Variants in SEC14L3 observed in about 807,000 individuals in gnomAD.
SEC14L3 encodes the protein SEC14 like lipid binding 3, also known as SEC14-like protein 3.
In SEC14L3, 56 loss-of-function variants were observed where a neutral mutation model predicts 57.4. That is an observed-to-expected ratio of 0.97 (90% CI 0.79 to 1.22). The LOEUF (loss-of-function observed/expected upper bound fraction) is 1.22. Ranked by LOEUF, SEC14L3 falls within the 50% of genes most tolerant of loss-of-function variation. The probability of loss-of-function intolerance (pLI) is 0.00; values close to 1 mark genes in which losing one functional copy is unlikely to be tolerated. For missense variants in SEC14L3, 485 were observed against 511.7 expected, an observed-to-expected ratio of 0.95 and a Z score of 0.50; for synonymous variants, 173 against 194.4, an observed-to-expected ratio of 0.89 and a Z score of 0.92.
downstream of SEC14L3, among the ~76,000 whole-genome samples, chr22:30,455,094 TA>T (rs1311613986): frequency 2.9e-4 from 22 of 76,976 alleles, no homozygotes; most frequent in African/African-American, 1.2e-3. Flanking sequence ...ATATTTAATA[TA>T]TAATATATTT....
At chr22:30,451,191 G>A (rs1002255463) in intron 12 of SEC14L3, among the ~76,000 whole-genome samples, 4 of 152,228 alleles carry the variant, frequency 2.6e-5, no homozygotes, top group East Asian at 3.8e-4. Flanking sequence ...GACCTTTGGC[G>A]TGTGTGGGCA....
intron 7 of SEC14L3, among the ~76,000 whole-genome samples, chr22:30,465,859 CACA>C (rs1234981612): frequency 2.0e-5 from 3 of 152,220 alleles, no homozygotes; most frequent in African/African-American, 2.4e-5. Flanking sequence ...TTCATCTACC[CACA>C]ACAATTACCC....
At chr22:30,458,397 T>C (rs1007698346), downstream of SEC14L3, among the ~76,000 whole-genome samples, 1 of 152,156 alleles carries the variant, frequency 6.6e-6, no homozygotes, top group Non-Finnish European at 1.5e-5. Flanking sequence ...GCTGCTTCAG[T>C]ATTGTGGGTC....
intron 4 of SEC14L3, among the ~76,000 whole-genome samples, chr22:30,469,652 AC>A (rs1161822928): frequency 5.3e-5 from 8 of 152,184 alleles, no homozygotes; most frequent in African/African-American, 1.9e-4. Flanking sequence ...GCACAGGCTA[AC>A]CGTGGTGGTT....
rs1934935055 is a variant in SEC14L3, at chr22:30,449,312, G to A, written c.905-68C>T. The A allele has an allele frequency of 5.2e-6, 8 of 1,540,562 alleles. No homozygotes were observed. In the South Asian group the frequency reaches 8.4e-5, roughly 16 times the overall value. ...AGAAATGAAAATCCTGAACTCCAGAGGGTCACCAATACTAAGGCATATGCT... is the reference window on the plus strand; with the variant it reads ...AGAAATGAAAATCCTGAACTCCAGAAGGTCACCAATACTAAGGCATATGCT... On this transcript the variant is annotated intron_variant, in intron 12 of 12. Transcript: ENST00000403066.
At chr22:30,462,540 G>T (rs981613333) in intron 8 of SEC14L3, among the ~76,000 whole-genome samples, 1 of 152,102 alleles carries the variant, frequency 6.6e-6, no homozygotes, top group Admixed American at 6.5e-5. Flanking sequence ...CTGCGTAGCT[G>T]GGACTACAAG....
Position 30,470,233 on chromosome 22 carries a change from C to A in SEC14L3, c.153G>T (p.Lys51Asn), listed in dbSNP as rs896092886. The change falls in exon 3 of 12, where the codon AAG becomes AAT. Residue 51 changes from lysine to asparagine, a missense_variant. Coordinates refer to ENST00000215812, the MANE Select transcript of SEC14L3 (RefSeq NM_174975.5). ...TCACCTTGCGGAGCAAAGCCTCCGA[C>A]TTCTGCAAGTCAAAATTCCGAGCTG... Reference protein sequence around the residue: ...WLRARNFDLQKSEALLRKYME... With the variant: ...WLRARNFDLQNSEALLRKYME... 1 of 1,613,770 alleles carries A rather than the reference C, an allele frequency of 6.2e-7. No individual in the cohort carries two copies. Among genetic ancestry groups the A allele is most frequent in the African/African-American group, 1.3e-5 (1 of 74,944 alleles).
At chr22:30,452,599 C>T (rs1386724223) in intron 12 of SEC14L3, among the ~76,000 whole-genome samples, 1 of 152,022 alleles carries the variant, frequency 6.6e-6, no homozygotes, top group Non-Finnish European at 1.5e-5. Context: ...CGCACATTTT[C>T]TAATAAAAAT....
exon 13 of SEC14L3, chr22:30,449,155 C>A: frequency 6.4e-7 from 1 of 1,550,606 alleles, no homozygotes; most frequent in Non-Finnish European, 8.7e-7. Flanking sequence ...TATGCCATCA[C>A]TTGCGAGTTT....
At chr22:30,450,252 T>G (rs1934955236) in intron 12 of SEC14L3, among the ~76,000 whole-genome samples, 1 of 152,134 alleles carries the variant, frequency 6.6e-6, no homozygotes, top group East Asian at 1.9e-4. Context: ...GTTTACCTCA[T>G]CTGCTGGACG....
intron 7 of SEC14L3, 51 bp downstream of exon 7, chr22:30,466,283 G>A (rs761373588): frequency 8.0e-5 from 120 of 1,509,180 alleles, no homozygotes; most frequent in Non-Finnish European, 1.0e-4. Flanking sequence ...CACCCTCAGC[G>A]TACAGATGAG....
Position 30,468,496 on chromosome 22 carries a change from C to G in SEC14L3, c.423+12G>C, listed in dbSNP as rs778992364. The G allele has an allele frequency of 6.2e-7, 1 of 1,602,304 alleles. No homozygotes were observed. The highest frequency in any genetic ancestry group is 8.5e-7 in the Non-Finnish European group (1 of 1,170,526). The stretch of plus-strand genomic sequence containing the variant: ...GCCCCCAGCCATCCACCCCACCTGG[C>G]CTGGACCTCACCCTCTCTGTCTGCA... On this transcript the variant is annotated intron_variant, in intron 5 of 11. Transcript: ENST00000215812.
Position 30,461,554 on chromosome 22 carries a change from C to T in SEC14L3, c.911+1G>A, listed in dbSNP as rs759507135. 2 of 1,614,060 alleles carry T rather than the reference C, an allele frequency of 1.2e-6. No homozygotes were observed. Among genetic ancestry groups the T allele is most frequent in the Non-Finnish European group, 8.5e-7 (1 of 1,180,018 alleles). On this transcript the variant is annotated splice_donor_variant, in intron 10 of 11. Transcript: ENST00000215812. LOFTEE classifies it high-confidence loss of function. ...TCTGAGGGGTTAGGGCCTGCCCCTACCTGAGAACGCAGCCTGGAAATAGGA... is the reference window on the plus strand; with the variant it reads ...TCTGAGGGGTTAGGGCCTGCCCCTATCTGAGAACGCAGCCTGGAAATAGGA...
chr22:30,456,178 G>T (rs1160231318), downstream of SEC14L3, among the ~76,000 whole-genome samples: 10 of 151,414 alleles, frequency 6.6e-5, no homozygotes, highest in Admixed American at 6.6e-4. Context: ...AGGCACATGT[G>T]TTCCCTGCTA....
downstream of SEC14L3, among the ~76,000 whole-genome samples, chr22:30,454,518 T>G (rs1454472501): frequency 8.1e-6 from 1 of 123,090 alleles, no homozygotes; most frequent in Non-Finnish European, 1.6e-5. Context: ...TATAATAATA[T>G]TATTATATAT....
At chr22:30,455,180 A>C (rs1935096649), downstream of SEC14L3, among the ~76,000 whole-genome samples, 1 of 110,142 alleles carries the variant, frequency 9.1e-6, no homozygotes, top group South Asian at 2.4e-4. Flanking sequence ...TATTATATTT[A>C]ATATTTAATA....
At chr22:30,454,929 TA>T (rs1935076428), downstream of SEC14L3, among the ~76,000 whole-genome samples, 3 of 31,638 alleles carry the variant, frequency 9.5e-5, no homozygotes, top group African/African-American at 2.5e-4. Flanking sequence ...TATTATATAA[TA>T]GATATATAAT....
chr22:30,465,930 G>A (rs1935403528), intron 7 of SEC14L3, among the ~76,000 whole-genome samples: 1 of 152,238 alleles, frequency 6.6e-6, no homozygotes, highest in South Asian at 2.1e-4. Context: ...AACAAAAGTG[G>A]AGAATCACAG....
At chr22:30,471,627 C>G (rs548117703) in intron 1 of SEC14L3, among the ~76,000 whole-genome samples, 39 of 152,252 alleles carry the variant, frequency 2.6e-4, no homozygotes, top group Admixed American at 1.4e-3. Flanking sequence ...AGGTAAACCT[C>G]TCTGGTTCTG....
Sources: gnomAD v4.1 joint callset for allele counts (sites outside exome capture counted in the v4.1 genomes callset) on GRCh38, gnomAD v4.1.1 for gene constraint, MANE v1.5 for transcripts, NCBI Gene and HGNC (gene_info 2026-07-23, HGNC 2026-07-21) for gene names.